CFAP43: variants seen among roughly 807,000 people sequenced by gnomAD.
The protein encoded by CFAP43 is cilia and flagella associated protein 43, also known as cilia- and flagella-associated protein 43.
CFAP43 carries 155 observed loss-of-function variants against 218.9 expected under a neutral mutation model. That is an observed-to-expected ratio of 0.71 (90% CI 0.62 to 0.81). The LOEUF (loss-of-function observed/expected upper bound fraction) is 0.81. CFAP43 is among the 30% of genes least tolerant of loss of function. The pLI, the probability that CFAP43 is intolerant of heterozygous loss-of-function variation, is 0.00. For missense variants in CFAP43, 1,778 were observed against 1,954.3 expected (o/e 0.91, Z 1.70); for synonymous variants, 645 against 681.3 (o/e 0.95, Z 0.83).
intron 27 of CFAP43, among the ~76,000 whole-genome samples, chr10:104,153,762 TTCTC>T (rs35514998): frequency 0.13 from 19,386 of 147,806 alleles, 1,349 homozygotes; most frequent in Middle Eastern, 0.19. Flanking sequence ...TTTATCACTT[TTCTC>T]TCTCTCTCTC....
chr10:104,215,329 G>T (rs1427972297), intron 3 of CFAP43, among the ~76,000 whole-genome samples: 2 of 152,116 alleles, frequency 1.3e-5, no homozygotes, highest in Admixed American at 6.6e-5. Flanking sequence ...ACTCCATTCA[G>T]AGTTGTGATT....
intron 1 of CFAP43, among the ~76,000 whole-genome samples, chr10:104,231,618 A>G (rs1339187848): frequency 6.6e-6 from 1 of 152,162 alleles, no homozygotes; most frequent in Non-Finnish European, 1.5e-5. Flanking sequence ...TGCTGTATAG[A>G]GTGGAGGTGG....
chr10:104,225,378 G>A, intron 3 of CFAP43, 83 bp downstream of exon 3: 1 of 1,075,154 alleles, frequency 9.3e-7, no homozygotes, highest in Non-Finnish European at 1.3e-6. Context: ...GATTTTTCAT[G>A]TCTATTTCCT....
rs1312251072 is a variant in CFAP43, at chr10:104,182,465, T to C, written c.2190A>G (p.Lys730=). 6.2e-7 allele frequency: 1 copy of C among 1,612,338 alleles called. No homozygotes were observed. Among genetic ancestry groups the C allele is most frequent in the Non-Finnish European group, 8.5e-7 (1 of 1,179,460 alleles). ...TGGCGCTGCTCAGGGAAATTAATAGTTTCTGGTAATAGTCCAGAATTTCAC... is the reference window on the plus strand; with the variant it reads ...TGGCGCTGCTCAGGGAAATTAATAGCTTCTGGTAATAGTCCAGAATTTCAC... ...LASEILDYYQ[K]LLISLSSAMD... Residue 730 remains lysine (K), a synonymous_variant, in exon 17 of 38, where the codon AAA becomes AAG. Coordinates refer to ENST00000357060, the MANE Select transcript of CFAP43 (RefSeq NM_025145.7).
intron 16 of CFAP43, among the ~76,000 whole-genome samples, chr10:104,182,898 G>T (rs2089901538): frequency 6.6e-6 from 1 of 151,894 alleles, no homozygotes. Flanking sequence ...CTTCTTACAG[G>T]AGACCCTTTC....
At chr10:104,131,631 G>A in intron 36 of CFAP43, 147 bp from the exon 37 acceptor site, 5 of 900,738 alleles carry the variant, frequency 5.6e-6, no homozygotes, top group Non-Finnish European at 8.0e-6. Context: ...GGCATAGTAG[G>A]CACTCGAGTT....
Position 104,152,690 on chromosome 10 carries a change from T to C in CFAP43, c.3577A>G (p.Ile1193Val), listed in dbSNP as rs758258477. The change falls in exon 28 of 38, where the codon ATT becomes GTT. Residue 1193 changes from isoleucine (I) to valine (V), a missense_variant. By Grantham distance (29) the Ile-to-Val change is conservative. Coordinates refer to ENST00000357060, the MANE Select transcript of CFAP43 (RefSeq NM_025145.7). Reference sequence around the variant, plus strand: ...TCAAAGGCCTGTGTGCTTTCTTGAATAGAGTTTTGAAGTTTCTTCAGTTCT... The same window carrying C: ...TCAAAGGCCTGTGTGCTTTCTTGAACAGAGTTTTGAAGTTTCTTCAGTTCT... ...EAELKKLQNS[I>V]QESTQAFDEH... The C allele has an allele frequency of 4.3e-6, 7 of 1,613,284 alleles. No individual in the cohort carries two copies. The highest frequency in any genetic ancestry group is 3.4e-6 in the Non-Finnish European group (4 of 1,179,762).
At chr10:104,131,915 A>G (rs896646992) in intron 36 of CFAP43, among the ~76,000 whole-genome samples, 4 of 152,340 alleles carry the variant, frequency 2.6e-5, no homozygotes, top group Middle Eastern at 6.8e-3. Flanking sequence ...GTTAATTCTA[A>G]TATTAAAGGA....
chr10:104,222,484 C>A (rs1384682799), intron 3 of CFAP43, among the ~76,000 whole-genome samples: 1 of 152,146 alleles, frequency 6.6e-6, no homozygotes, highest in African/African-American at 2.4e-5. Flanking sequence ...CATTCTTGGG[C>A]CCCAGGGCAC....
intron 5 of CFAP43, among the ~76,000 whole-genome samples, chr10:104,208,510 T>C (rs58046875): frequency 0.14 from 20,832 of 152,176 alleles, 1,495 homozygotes; most frequent in South Asian, 0.21. Flanking sequence ...TTGATGACAT[T>C]TAAAAATGAA....
At position 104,162,420 on chromosome 10, in the gene CFAP43, C is replaced by T. The variant is rs768744370; in HGVS notation, c.3247-17G>A. On this transcript the variant is annotated splice_polypyrimidine_tract_variant and intron_variant, in intron 24 of 37. Transcript: ENST00000357060. ...GGCTGTAATCTGAAAGAGAAAATGT[C>T]ATTTCCTGCTATTATTCTTACAAAA... The T allele has an allele frequency of 6.3e-7, 1 of 1,598,668 alleles. No homozygotes were observed. Among genetic ancestry groups the T allele is most frequent in the South Asian group, 1.1e-5 (1 of 90,734 alleles).
intron 8 of CFAP43, among the ~76,000 whole-genome samples, chr10:104,198,675 G>A (rs766711129): frequency 4.0e-5 from 6 of 151,338 alleles, no homozygotes; most frequent in Admixed American, 1.3e-4. Flanking sequence ...GTGTGTGACT[G>A]AGTCTCCCTC....
At chr10:104,171,769 G>C (rs996640400) in intron 20 of CFAP43, among the ~76,000 whole-genome samples, 5 of 152,210 alleles carry the variant, frequency 3.3e-5, no homozygotes, top group African/African-American at 4.8e-5. Flanking sequence ...ATTAATAGAA[G>C]TATAGTATGA....
chr10:104,181,693 G>T (rs2089850589), intron 17 of CFAP43, among the ~76,000 whole-genome samples: 1 of 151,976 alleles, frequency 6.6e-6, no homozygotes, highest in Non-Finnish European at 1.5e-5. Flanking sequence ...TTCCCCCTTT[G>T]CCCTGAATAC....
At chr10:104,151,819 T>A (rs1360403032) in intron 28 of CFAP43, among the ~76,000 whole-genome samples, 1 of 152,244 alleles carries the variant, frequency 6.6e-6, no homozygotes, top group Non-Finnish European at 1.5e-5. Context: ...AGTTCCTATG[T>A]CCAGAATGAT....
chr10:104,131,615 G>A, intron 36 of CFAP43, 131 bp from the exon 37 acceptor site: 1 of 1,068,250 alleles, frequency 9.4e-7, no homozygotes, highest in South Asian at 1.8e-5. Flanking sequence ...CATATCTGTA[G>A]TGCCTGGCAT....
At chr10:104,180,914 T>A (rs1406349394) in intron 17 of CFAP43, among the ~76,000 whole-genome samples, 1 of 152,116 alleles carries the variant, frequency 6.6e-6, no homozygotes, top group Non-Finnish European at 1.5e-5. Flanking sequence ...TCTGTCCTGG[T>A]CCTCTTCTGC....
chr10:104,170,923 T>C (rs1296720721), intron 20 of CFAP43, among the ~76,000 whole-genome samples: 2 of 152,172 alleles, frequency 1.3e-5, no homozygotes, highest in Non-Finnish European at 2.9e-5. Flanking sequence ...GCCTTTCTGG[T>C]GTGCTGTTCC....
intron 15 of CFAP43, 136 bp from the exon 16 acceptor site, chr10:104,185,282 T>C: frequency 8.8e-7 from 1 of 1,134,514 alleles, no homozygotes. Context: ...GGTATGGAAG[T>C]AGGCAATTGG....
Sources: allele counts gnomAD v4.1 joint callset (sites outside exome capture counted in the v4.1 genomes callset), GRCh38; gene constraint gnomAD v4.1.1; transcripts MANE v1.5; gene names NCBI Gene and HGNC (gene_info 2026-07-23, HGNC 2026-07-21).